ASTL: variants seen among roughly 807,000 people sequenced by gnomAD.
ASTL encodes astacin like metalloendopeptidase.
In ASTL, 27 loss-of-function variants were observed where a neutral mutation model predicts 36.7. The ratio of observed to expected loss-of-function variants is 0.73; its 90% CI spans 0.54 to 1.01. The LOEUF is 1.01. Ranked by LOEUF, ASTL falls within the 50% of genes least tolerant of loss-of-function variation. The pLI is 0.00. For synonymous variants in ASTL, 222 were observed against 228.1 expected, an observed-to-expected ratio of 0.97 and a Z score of 0.24; for missense variants, 524 against 572.8, an observed-to-expected ratio of 0.91 and a Z score of 0.87.
At chr2:96,137,079 A>G (rs1682316063) in intron 2 of ASTL, among the ~76,000 whole-genome samples, 1 of 151,932 alleles carries the variant, frequency 6.6e-6, no homozygotes, top group East Asian at 1.9e-4. Context: ...TCCTGACCTC[A>G]TGATCTGCCC....
upstream of ASTL, chr2:96,138,507 C>G: frequency 7.7e-7 from 1 of 1,304,882 alleles, no homozygotes; most frequent in Non-Finnish European, 1.1e-6. Context: ...AATTGCAGAA[C>G]CGGCACCACC....
In ASTL at chr2:96,132,488, C is replaced by CCGTG. The variant is rs1682200442; in HGVS notation, c.637+48_637+51dup. On this transcript the variant is annotated intron_variant, in intron 6 of 8. Transcript: ENST00000342380. This position sits in a 1 kb window ranked among gnomAD's most constrained non-coding sequence, Gnocchi z 5.4. ...GGGGACCAGGCGACTTGGGCCCAAGCCGTGCTGTCCCCTCCCCGGCACCAG... is the reference window on the plus strand; with the variant it reads ...GGGGACCAGGCGACTTGGGCCCAAGCCGTGCGTGCTGTCCCCTCCCCGGCACCAG... 2 of 1,507,046 alleles carry CCGTG rather than the reference C, an allele frequency of 1.3e-6. No homozygotes were observed. Among genetic ancestry groups the CCGTG allele is most frequent in the African/African-American group, 2.8e-5 (2 of 72,656 alleles). 93.4% of individuals were successfully genotyped at this position (1,507,046 alleles called of 1,614,324 possible). A position where few individuals can be genotyped will look rare whatever the true frequency, so the allele number is the denominator to read the frequency against.
chr2:96,124,125 C>T lies in ASTL; in HGVS notation c.1021G>A (p.Glu341Lys), dbSNP rs757954964. The T allele has an allele frequency of 2.5e-6, 4 of 1,591,642 alleles. No homozygotes were observed. The highest frequency in any genetic ancestry group is 3.4e-6 in the Non-Finnish European group (4 of 1,167,288). ...GGGGACTCCCACCCATGTGGGCTCT[C>T]CCCAGGCCCTGCAGGAACGGGCTGG... ...GGQPVPAGPG[E>K]SPHGWESPAL... The change falls in exon 9 of 9, where the codon GAG becomes AAG. Residue 341 changes from glutamate (E) to lysine (K), a missense_variant. By Grantham distance (56) the Glu-to-Lys change is moderately conservative. Transcript: ENST00000342380. This position sits in a 1 kb window ranked among gnomAD's most constrained non-coding sequence, Gnocchi z 4.1.
At chr2:96,131,956 T>G (rs1682189004) in intron 6 of ASTL, among the ~76,000 whole-genome samples, 1 of 152,168 alleles carries the variant, frequency 6.6e-6, no homozygotes, top group African/African-American at 2.4e-5. Context: ...ACACAGCCGC[T>G]GCCAGCACAG....
Position 96,124,298 on chromosome 2 carries a change from A to G in ASTL, c.875-27T>C, listed in dbSNP as rs767188408. On this transcript the variant is annotated intron_variant, in intron 8 of 8. Coordinates refer to ENST00000342380, the MANE Select transcript of ASTL (RefSeq NM_001002036.4). The surrounding 1 kb of genome is among the most constrained non-coding windows in gnomAD (Gnocchi z 4.1). ...TGCAACAGAAAAGACAGGAGGTGGA[A>G]CCTCAGAACTGTAGGATGACATGTG... 6.7e-7 allele frequency: 1 copy of G among 1,492,586 alleles called. No homozygotes were observed. Among genetic ancestry groups the G allele is most frequent in the African/African-American group, 1.4e-5 (1 of 71,290 alleles). 92.5% of individuals were successfully genotyped at this position (1,492,586 alleles called of 1,614,324 possible).
At chr2:96,128,781 T>C (rs893777768) in intron 8 of ASTL, among the ~76,000 whole-genome samples, 5 of 152,246 alleles carry the variant, frequency 3.3e-5, no homozygotes, top group Admixed American at 1.3e-4. Context: ...AAAAACTTTA[T>C]AATCACCCTG....
At position 96,132,520 on chromosome 2, in the gene ASTL, C is replaced by T. The variant is rs1682201242; in HGVS notation, c.637+20G>A. 1.3e-6 allele frequency: 2 copies of T among 1,576,796 alleles called. No homozygotes were observed. Among genetic ancestry groups the T allele is most frequent in the African/African-American group, 2.7e-5 (2 of 74,512 alleles). ...GTCCCCTCCCCGGCACCAGCCTGTC[C>T]TGCGTGTGGCCTGGCTCACCTGGCA... On this transcript the variant is annotated intron_variant, in intron 6 of 8. Transcript: ENST00000342380. The surrounding 1 kb of genome is among the most constrained non-coding windows in gnomAD (Gnocchi z 5.4).
At chr2:96,137,209 C>T (rs965330791) in intron 2 of ASTL, among the ~76,000 whole-genome samples, 4 of 152,150 alleles carry the variant, frequency 2.6e-5, no homozygotes. Context: ...TCTCAGACTG[C>T]GACTAACCGC....
At chr2:96,131,783 G>A (rs1178523893) in intron 6 of ASTL, among the ~76,000 whole-genome samples, 2 of 152,056 alleles carry the variant, frequency 1.3e-5, no homozygotes, top group Non-Finnish European at 2.9e-5. Flanking sequence ...CGTGCTGGAC[G>A]CCCTCCACCT....
rs1682013992 is a variant in ASTL at position 96,124,087 on chromosome 2, C to G, written c.1059G>C (p.Lys353Asn). The change falls in exon 9 of 9, where the codon AAG becomes AAC. Residue 353 changes from lysine to asparagine, a missense_variant. Coordinates refer to ENST00000342380, the MANE Select transcript of ASTL (RefSeq NM_001002036.4). This position sits in a 1 kb window ranked among gnomAD's most constrained non-coding sequence, Gnocchi z 4.1. ...PHGWESPALKKLSAEASARQP... is the reference protein window; with the variant it reads ...PHGWESPALKNLSAEASARQP... ...GCCTTGCCGAGGCCTCTGCACTGAG[C>G]TTTTTCAGGGCAGGGGACTCCCACC... The G allele has an allele frequency of 3.1e-6, 5 of 1,611,190 alleles. No individual in the cohort carries two copies. Among genetic ancestry groups the G allele is most frequent in the Non-Finnish European group, 4.2e-6 (5 of 1,178,280 alleles).
intron 1 of ASTL, among the ~76,000 whole-genome samples, chr2:96,137,952 T>A (rs986267438): frequency 4.6e-5 from 7 of 152,014 alleles, no homozygotes; most frequent in African/African-American, 1.7e-4. Flanking sequence ...ACCTATGAGG[T>A]AGAGGAGGGG....
In ASTL at chr2:96,132,914, C is replaced by T. The variant is rs1319616954; in HGVS notation, c.456-193G>A. 1.3e-5 allele frequency among the ~76,000 whole-genome samples: 2 copies of T among 152,154 alleles called. No individual in the cohort carries two copies. The highest frequency in any genetic ancestry group is 2.4e-5 in the African/African-American group (1 of 41,430). Reference sequence around the variant, plus strand: ...CTGGACTTCTGTGAAATGGCCATACCGGACCCCCATCACCAGCCTGGGCTG... The same window carrying T: ...CTGGACTTCTGTGAAATGGCCATACTGGACCCCCATCACCAGCCTGGGCTG... On this transcript the variant is annotated intron_variant, in intron 5 of 8. Coordinates refer to ENST00000342380, the MANE Select transcript of ASTL (RefSeq NM_001002036.4). This position sits in a 1 kb window ranked among gnomAD's most constrained non-coding sequence, Gnocchi z 5.4.
rs1202061982 is a variant in ASTL, at chr2:96,132,593, G to A, written c.584C>T (p.Thr195Met). The change falls in exon 6 of 9, where the codon ACG (threonine) becomes ATG (methionine). Residue 195 changes from threonine to methionine, a missense_variant. Coordinates refer to ENST00000342380, the MANE Select transcript of ASTL (RefSeq NM_001002036.4). This position sits in a 1 kb window ranked among gnomAD's most constrained non-coding sequence, Gnocchi z 5.4. ...MHVLGFWHEHTRADRDRYIRV... is the reference protein window; with the variant it reads ...MHVLGFWHEHMRADRDRYIRV... ...GATATAGCGGTCCCGGTCGGCCCGC[G>A]TGTGCTCGTGCCAGAAGCCCAGCAC... 2.5e-6 allele frequency: 4 copies of A among 1,612,356 alleles called. No homozygotes were observed. The highest frequency in any genetic ancestry group is 3.4e-6 in the Non-Finnish European group (4 of 1,178,874).
At chr2:96,129,257 T>C (rs1003839484) in intron 8 of ASTL, among the ~76,000 whole-genome samples, 1 of 152,256 alleles carries the variant, frequency 6.6e-6, no homozygotes, top group African/African-American at 2.4e-5. Context: ...GGGACCTTTA[T>C]GATTGCTATT....
At chr2:96,137,789 C>G (rs1266858271) in intron 1 of ASTL, 89 bp from the exon 2 acceptor site, 3 of 1,366,694 alleles carry the variant, frequency 2.2e-6, no homozygotes, top group African/African-American at 1.4e-5. Context: ...TGTGGGGGAT[C>G]AGACGGTAAG....
chr2:96,134,678 T>C (rs2576437), intron 3 of ASTL, among the ~76,000 whole-genome samples: 56,472 of 152,080 alleles, frequency 0.37, 11,083 homozygotes, highest in East Asian at 0.63. Flanking sequence ...CCGGAGTTCC[T>C]GGGCAGCCTT....
Position 96,132,488 on chromosome 2 carries a change from C to T in ASTL, c.637+52G>A, listed in dbSNP as rs930932621. 1.5e-5 allele frequency: 23 copies of T among 1,506,928 alleles called. No homozygotes were observed. The highest frequency in any genetic ancestry group is 2.0e-5 in the Non-Finnish European group (22 of 1,112,954). 93.3% of individuals were successfully genotyped at this position (1,506,928 alleles called of 1,614,324 possible). A position where few individuals can be genotyped will look rare whatever the true frequency, so the allele number is the denominator to read the frequency against. On this transcript the variant is annotated intron_variant, in intron 6 of 8. Transcript: ENST00000342380. This position sits in a 1 kb window ranked among gnomAD's most constrained non-coding sequence, Gnocchi z 5.4. ...GGGGACCAGGCGACTTGGGCCCAAG[C>T]CGTGCTGTCCCCTCCCCGGCACCAG...
chr2:96,134,091 A>C (rs1392036566), intron 3 of ASTL, 33 bp from the exon 4 acceptor site: 2 of 1,489,946 alleles, frequency 1.3e-6, no homozygotes, highest in Non-Finnish European at 1.9e-6. Context: ...ACCCCTGGGG[A>C]CAGAGGCCAC....
chr2:96,130,238 T>A (rs1001446489), intron 6 of ASTL, 93 bp from the exon 7 acceptor site: 74 of 977,606 alleles, frequency 7.6e-5, no homozygotes, highest in Non-Finnish European at 8.3e-5. Flanking sequence ...TGGGAGCTCA[T>A]AACTCACCCA....
Sources: allele counts gnomAD v4.1 joint callset (sites outside exome capture counted in the v4.1 genomes callset), GRCh38; gene constraint gnomAD v4.1.1; non-coding constraint Gnocchi (gnomAD v3.1); transcripts MANE v1.5; gene names NCBI Gene and HGNC (gene_info 2026-07-23, HGNC 2026-07-21).